Variants in CHODL observed in about 807,000 individuals in gnomAD.
The protein encoded by CHODL is chondrolectin.
In CHODL, 29 loss-of-function variants were observed where a neutral mutation model predicts 34.5. The ratio of observed to expected loss-of-function variants is 0.84; its 90% CI spans 0.63 to 1.15. The LOEUF is 1.15. CHODL is among the 50% of genes most tolerant of loss of function. CHODL has a pLI of 0.00. For missense variants in CHODL, 332 were observed against 332.5 expected, an observed-to-expected ratio of 1.00 and a Z score of 0.01; for synonymous variants, 125 against 116.1, an observed-to-expected ratio of 1.08 and a Z score of -0.49.
At chr21:18,011,463 G>A (rs111443363) in intron 1 of CHODL, among the ~76,000 whole-genome samples, 2,346 of 152,188 alleles carry the variant, frequency 0.015, 58 homozygotes, top group Middle Eastern at 0.048. Flanking sequence ...TTCTTCCTTT[G>A]TTTTTTAGGG....
At chr21:18,140,538 G>A (rs1053225728) in intron 2 of CHODL, among the ~76,000 whole-genome samples, 6 of 152,074 alleles carry the variant, frequency 3.9e-5, no homozygotes, top group African/African-American at 1.4e-4. Flanking sequence ...TAGGAAGCAT[G>A]AAAAATGAAT....
At chr21:18,014,981 T>C (rs983141252) in intron 1 of CHODL, among the ~76,000 whole-genome samples, 16 of 152,132 alleles carry the variant, frequency 1.1e-4, no homozygotes, top group Non-Finnish European at 2.4e-4. Flanking sequence ...TGGGCAGATG[T>C]TGGAAGAGTT....
At chr21:18,120,189 T>C (rs1034356057) in intron 2 of CHODL, among the ~76,000 whole-genome samples, 2 of 152,154 alleles carry the variant, frequency 1.3e-5, no homozygotes, top group Admixed American at 1.3e-4. Context: ...GAAGTATAAA[T>C]TATTGAGCTA....
chr21:18,027,588 G>T (rs1206721546), intron 1 of CHODL, among the ~76,000 whole-genome samples: 1 of 152,128 alleles, frequency 6.6e-6, no homozygotes, highest in East Asian at 1.9e-4. Flanking sequence ...GGTAAAGTGC[G>T]ATGCCTTTTA....
chr21:17,942,107 A>T (rs937975214), intron 1 of CHODL, among the ~76,000 whole-genome samples: 1 of 152,238 alleles, frequency 6.6e-6, no homozygotes, highest in Non-Finnish European at 1.5e-5. Context: ...TGCAGATAGA[A>T]AAAGTATGTA....
chr21:18,014,501 G>T (rs1410988198), intron 1 of CHODL, among the ~76,000 whole-genome samples: 2 of 152,166 alleles, frequency 1.3e-5, no homozygotes, highest in Admixed American at 1.3e-4. Flanking sequence ...ATATAGTTTG[G>T]ATATTTGTCC....
At chr21:18,042,194 A>G (rs953455041) in intron 2 of CHODL, among the ~76,000 whole-genome samples, 1 of 151,938 alleles carries the variant, frequency 6.6e-6, no homozygotes, top group African/African-American at 2.4e-5. Flanking sequence ...TTAATATTTT[A>G]GAAGGGGAGA....
intron 2 of CHODL, among the ~76,000 whole-genome samples, chr21:18,140,085 C>T (rs932443484): frequency 6.6e-6 from 1 of 152,098 alleles, no homozygotes; most frequent in African/African-American, 2.4e-5. Flanking sequence ...TTTTTCTTGC[C>T]TTCCCAGACT....
At chr21:17,988,036 A>G (rs1267299997) in intron 1 of CHODL, among the ~76,000 whole-genome samples, 1 of 147,834 alleles carries the variant, frequency 6.8e-6, no homozygotes, top group Non-Finnish European at 1.5e-5. Context: ...TCATTTATCT[A>G]CTTCAAAAAA....
upstream of CHODL, among the ~76,000 whole-genome samples, chr21:18,241,692 C>T (rs1346629631): frequency 6.6e-6 from 1 of 152,092 alleles, no homozygotes; most frequent in Admixed American, 6.5e-5. Context: ...GAATTGCAGA[C>T]ATTTGAAAGT....
intron 1 of CHODL, among the ~76,000 whole-genome samples, chr21:17,985,027 G>A (rs1546835): frequency 0.32 from 48,609 of 151,778 alleles, 8,437 homozygotes; most frequent in Middle Eastern, 0.39. Flanking sequence ...ATTAGTCTTC[G>A]TTGTCACAAA....
intron 2 of CHODL, among the ~76,000 whole-genome samples, chr21:18,146,179 G>A (rs1222203743): frequency 3.4e-5 from 5 of 148,110 alleles, no homozygotes; most frequent in South Asian, 2.1e-4. Context: ...GGCTTTCACC[G>A]TGTTAGCCAG....
At chr21:17,972,725 A>G (rs1342865036) in intron 1 of CHODL, among the ~76,000 whole-genome samples, 2 of 152,236 alleles carry the variant, frequency 1.3e-5, no homozygotes, top group Admixed American at 1.3e-4. Context: ...ACCCAAAGTA[A>G]TTTATAGATT....
intron 2 of CHODL, among the ~76,000 whole-genome samples, chr21:18,100,523 C>T (rs2065200132): frequency 6.6e-6 from 1 of 151,954 alleles, no homozygotes; most frequent in Non-Finnish European, 1.5e-5. Context: ...ATATGCAATT[C>T]CTAATGTTCA....
intron 2 of CHODL, among the ~76,000 whole-genome samples, chr21:18,151,858 T>C (rs1042900674): frequency 6.6e-6 from 1 of 152,124 alleles, no homozygotes; most frequent in African/African-American, 2.4e-5. Flanking sequence ...GAAAAACAGT[T>C]TGAGGTTTTT....
intron 2 of CHODL, among the ~76,000 whole-genome samples, chr21:18,086,107 C>T (rs2065004610): frequency 2.0e-5 from 1 of 49,494 alleles, no homozygotes; most frequent in Non-Finnish European, 3.9e-5. Context: ...TCTTTAAGTT[C>T]TGAGATTATT....
intron 2 of CHODL, among the ~76,000 whole-genome samples, chr21:18,046,932 T>C (rs559853750): frequency 1.3e-5 from 2 of 151,536 alleles, no homozygotes; most frequent in African/African-American, 2.4e-5. Flanking sequence ...CACGTCTCCA[T>C]ATTTGCTATT....
intron 1 of CHODL, chr21:18,245,976 G>T: frequency 6.6e-7 from 1 of 1,520,954 alleles, no homozygotes; most frequent in Non-Finnish European, 8.8e-7. Context: ...CACAGTAGGT[G>T]CACAATTAAG....
chr21:17,926,553 T>G (rs1018044205), intron 1 of CHODL, among the ~76,000 whole-genome samples: 1 of 152,042 alleles, frequency 6.6e-6, no homozygotes, highest in African/African-American at 2.4e-5. Context: ...GCAAACACCT[T>G]CTTCACAGGG....
Sources: gnomAD v4.1 joint callset for allele counts (sites outside exome capture counted in the v4.1 genomes callset) on GRCh38, gnomAD v4.1.1 for gene constraint, MANE v1.5 for transcripts, NCBI Gene and HGNC (gene_info 2026-07-23, HGNC 2026-07-21) for gene names.